Variants in FANCL observed in about 807,000 individuals in gnomAD.
FANCL encodes FA complementation group L, also known as E3 ubiquitin-protein ligase FANCL.
In FANCL, 69 loss-of-function variants were observed where a neutral mutation model predicts 59.4. The ratio of observed to expected loss-of-function variants is 1.16; its 90% confidence interval spans 0.96 to 1.42. FANCL has a LOEUF of 1.42. Among genes scored for constraint, FANCL ranks in the 40% most tolerant of loss-of-function variants. The pLI is 0.00. For synonymous variants in FANCL, 180 were observed against 147.1 expected (o/e 1.22, Z -1.62); for missense variants, 519 against 447.2 (o/e 1.16, Z -1.45).
chr2:58,212,508 A>G (rs35341336), intron 5 of FANCL, among the ~76,000 whole-genome samples: 9,822 of 152,264 alleles, frequency 0.065, 408 homozygotes, highest in South Asian at 0.13. Context: ...GGCCAAAACA[A>G]AAAGCATAAA....
chr2:58,215,590 G>C (rs1054687385), intron 5 of FANCL, among the ~76,000 whole-genome samples: 1 of 151,820 alleles, frequency 6.6e-6, no homozygotes, highest in African/African-American at 2.4e-5. Flanking sequence ...GAACAGAAGT[G>C]AAGTAAGCCA....
At chr2:58,180,558 G>T (rs1011167744) in intron 7 of FANCL, among the ~76,000 whole-genome samples, 2 of 152,028 alleles carry the variant, frequency 1.3e-5, no homozygotes, top group Non-Finnish European at 2.9e-5. Flanking sequence ...GGCCTGTCGG[G>T]GGGTGGGGGA....
At chr2:58,166,694 C>G (rs1685985832) in intron 7 of FANCL, among the ~76,000 whole-genome samples, 1 of 152,168 alleles carries the variant, frequency 6.6e-6, no homozygotes, top group African/African-American at 2.4e-5. Flanking sequence ...AAGTCACATA[C>G]TACAAACGTT....
chr2:58,239,320 A>C (rs547280388), intron 1 of FANCL, among the ~76,000 whole-genome samples: 40 of 152,336 alleles, frequency 2.6e-4, no homozygotes, highest in African/African-American at 8.9e-4. Context: ...AGCCTTGAGA[A>C]GGACAAAACA....
Position 58,165,290 on chromosome 2 carries a change from G to C in FANCL, c.691+434C>G, listed in dbSNP as rs916625015. 5.9e-5 allele frequency among the ~76,000 whole-genome samples: 9 copies of C among 152,164 alleles called. No individual in the cohort carries two copies. The East Asian group carries it at 9.7e-4, about 16-fold the overall frequency. ...TTTCTGTTTACTCTTCAGTGGCATG[G>C]TCTACTGCAAGTTCTTTTATCTTCC... On this transcript the variant is annotated intron_variant, in intron 8 of 13. Transcript: ENST00000233741.
intron 5 of FANCL, 91 bp from the exon 6 acceptor site, chr2:58,204,317 C>G: frequency 1.1e-6 from 1 of 937,190 alleles, no homozygotes; most frequent in South Asian, 1.3e-5. Flanking sequence ...AAAATATTTG[C>G]TATATTCCTA....
chr2:58,230,461 C>A (rs970055546), intron 2 of FANCL, among the ~76,000 whole-genome samples: 3 of 152,086 alleles, frequency 2.0e-5, no homozygotes, highest in Non-Finnish European at 2.9e-5. Context: ...CACCACCAAG[C>A]CTGGCTAGAA....
At chr2:58,226,927 G>A (rs1055152102) in intron 3 of FANCL, 143 bp from the exon 4 acceptor site, 1 of 709,078 alleles carries the variant, frequency 1.4e-6, no homozygotes, top group Admixed American at 2.7e-5. Context: ...TGAAGTATCG[G>A]TCATCAACTT....
intron 7 of FANCL, among the ~76,000 whole-genome samples, chr2:58,176,766 C>T (rs1687362863): frequency 6.6e-6 from 1 of 152,038 alleles, no homozygotes; most frequent in Admixed American, 6.5e-5. Context: ...CAACAAAAGC[C>T]AAAATTGACA....
intron 5 of FANCL, among the ~76,000 whole-genome samples, chr2:58,204,756 C>T (rs1690417865): frequency 1.3e-5 from 2 of 152,008 alleles, no homozygotes; most frequent in Non-Finnish European, 2.9e-5. Flanking sequence ...CAGGTACAGC[C>T]TGGTCTCCTA....
chr2:58,172,922 C>T (rs1382388224), intron 7 of FANCL, among the ~76,000 whole-genome samples: 1 of 152,104 alleles, frequency 6.6e-6, no homozygotes, highest in Non-Finnish European at 1.5e-5. Flanking sequence ...CTAGAATAAC[C>T]AATACAGAGA....
At chr2:58,217,166 TTATATA>T (rs1158149205) in intron 5 of FANCL, among the ~76,000 whole-genome samples, 42 of 47,322 alleles carry the variant, frequency 8.9e-4, no homozygotes, top group East Asian at 3.9e-3. Flanking sequence ...TTTATATATT[TTATATA>T]TATATATATA....
intron 7 of FANCL, among the ~76,000 whole-genome samples, chr2:58,172,262 C>A (rs901788222): frequency 1.3e-5 from 2 of 152,236 alleles, no homozygotes; most frequent in African/African-American, 4.8e-5. Context: ...TCTCTCAGCA[C>A]GCACCTGGAG....
chr2:58,186,606 C>G (rs1011203146), intron 7 of FANCL, among the ~76,000 whole-genome samples: 1 of 152,190 alleles, frequency 6.6e-6, no homozygotes, highest in Admixed American at 6.5e-5. Flanking sequence ...AATGCAAGAG[C>G]ATTTTTTTCC....
At position 58,159,495 on chromosome 2, in the gene FANCL, G is replaced by A; in HGVS notation, c.*270C>T. ...ATTTTACCAGTCCAGATATATTCAA[G>A]AAGTCAAGATCTCCATCTTGGTATA... is the stretch of plus-strand genomic sequence containing the variant. On this transcript the variant is annotated 3_prime_UTR_variant, in exon 14 of 14. Coordinates refer to ENST00000233741, the MANE Select transcript of FANCL (RefSeq NM_018062.4). The A allele has an allele frequency of 6.2e-7, 1 of 1,613,634 alleles. No homozygotes were observed. The highest frequency in any genetic ancestry group is 8.5e-7 in the Non-Finnish European group (1 of 1,179,740).
At chr2:58,228,778 G>A (rs563149618) in intron 3 of FANCL, among the ~76,000 whole-genome samples, 48 of 152,224 alleles carry the variant, frequency 3.2e-4, no homozygotes, top group African/African-American at 1.1e-3. Flanking sequence ...CCAATTGGGG[G>A]GCAAGGAAAG....
intron 7 of FANCL, among the ~76,000 whole-genome samples, chr2:58,173,845 T>C (rs1291641250): frequency 2.6e-5 from 4 of 152,050 alleles, no homozygotes; most frequent in East Asian, 1.9e-4. Flanking sequence ...GACTGGCTAA[T>C]TGGATAAAGA....
intron 7 of FANCL, among the ~76,000 whole-genome samples, chr2:58,175,514 A>T (rs1421275068): frequency 6.6e-6 from 1 of 152,112 alleles, no homozygotes; most frequent in Non-Finnish European, 1.5e-5. Context: ...CAGCACATAA[A>T]CAGAACCAAA....
chr2:58,163,259 T>TG (rs1333018254), intron 9 of FANCL, 175 bp downstream of exon 9: 1 of 735,148 alleles, frequency 1.4e-6, no homozygotes, highest in East Asian at 2.7e-5. Flanking sequence ...CTATCATTAT[T>TG]GCGGTGAACC....
Sources: gnomAD v4.1 joint callset for allele counts (sites outside exome capture counted in the v4.1 genomes callset) on GRCh38, gnomAD v4.1.1 for gene constraint, MANE v1.5 for transcripts, NCBI Gene and HGNC (gene_info 2026-07-23, HGNC 2026-07-21) for gene names.